Variants in PDS5B observed in about 807,000 individuals in gnomAD.
The protein encoded by PDS5B is sister chromatid cohesion protein PDS5 homolog B.
Under a neutral mutation model 184.1 loss-of-function variants are expected in PDS5B, and 51 were observed. The observed-to-expected ratio is 0.28, with a 90% CI of 0.22 to 0.35. PDS5B has a LOEUF of 0.35. Among genes scored for constraint, PDS5B ranks in the 10% least tolerant of loss-of-function variants. PDS5B has a pLI of 1.00. For synonymous variants in PDS5B, 566 were observed against 569.2 expected, an observed-to-expected ratio of 0.99 and a Z score of 0.08; for missense variants, 1,180 against 1,723.3, an observed-to-expected ratio of 0.68 and a Z score of 5.58.
chr13:32,662,426 C>T (rs1292111772), intron 6 of PDS5B, among the ~76,000 whole-genome samples: 1 of 150,640 alleles, frequency 6.6e-6, no homozygotes, highest in Non-Finnish European at 1.5e-5. Context: ...TGAAACAAAA[C>T]TACTAATTTA....
At chr13:32,711,879 C>G (rs1350716012) in intron 19 of PDS5B, among the ~76,000 whole-genome samples, 1 of 152,190 alleles carries the variant, frequency 6.6e-6, no homozygotes, top group Non-Finnish European at 1.5e-5. Context: ...ACTATACTGT[C>G]TCATTTAAAC....
chr13:32,734,518 A>C (rs1321452885), intron 20 of PDS5B, among the ~76,000 whole-genome samples: 1 of 152,174 alleles, frequency 6.6e-6, no homozygotes, highest in Non-Finnish European at 1.5e-5. Context: ...GACTAGATGT[A>C]GTAAAAGCTT....
At chr13:32,645,500 C>G (rs1950194661) in intron 1 of PDS5B, among the ~76,000 whole-genome samples, 1 of 152,136 alleles carries the variant, frequency 6.6e-6, no homozygotes, top group African/African-American at 2.4e-5. Context: ...GTTTCTTAAT[C>G]ATTTTTTTCT....
At chr13:32,696,741 A>C (rs1287060580) in intron 14 of PDS5B, 113 bp from the exon 15 acceptor site, 8 of 707,110 alleles carry the variant, frequency 1.1e-5, no homozygotes, top group African/African-American at 1.8e-5. Flanking sequence ...AGTAGTGGTA[A>C]GAGCATGGGT....
Position 32,732,192 on chromosome 13 carries a change from A to G in PDS5B, c.2215A>G (p.Ser739Gly), listed in dbSNP as rs1290709624. The change falls in exon 20 of 35, where the codon AGT becomes GGT. Residue 739 changes from serine to glycine, a missense_variant. This residue lies in a region of PDS5B where 475 missense variants were observed against 691.5 expected (regional missense o/e 0.69). Transcript: ENST00000315596. The part of the protein sequence containing the change: ...AIHCIHAIFS[S>G]KETQFAQIFE... ...TCATTGTATCCATGCGATATTTTCT[A>G]GTAAAGAGACCCAGTTTGCACAGAT... is the stretch of plus-strand genomic sequence containing the variant. The G allele has an allele frequency of 6.2e-7, 1 of 1,609,946 alleles. No homozygotes were observed. The highest frequency in any genetic ancestry group is 1.3e-5 in the African/African-American group (1 of 74,908).
chr13:32,656,041 T>G (rs769042877), intron 3 of PDS5B, among the ~76,000 whole-genome samples: 3 of 152,200 alleles, frequency 2.0e-5, no homozygotes, highest in Admixed American at 6.5e-5. Context: ...GTCTTCTGCA[T>G]ATGACTAGCT....
rs114192403 is a variant in PDS5B at position 32,646,297 on chromosome 13, A to G, written c.-19-2457A>G. ...GCTGGGATTACAGATGTGAACCATCATGCCCATCCAGATGTTTGTAATGTT... is the reference window on the plus strand; with the variant it reads ...GCTGGGATTACAGATGTGAACCATCGTGCCCATCCAGATGTTTGTAATGTT... On this transcript the variant is annotated intron_variant, in intron 1 of 34. Coordinates refer to ENST00000315596, the MANE Select transcript of PDS5B (RefSeq NM_015032.4). 9.3e-3 allele frequency among the ~76,000 whole-genome samples: 1,398 copies of G among 150,780 alleles called. 26 individuals carry two copies. Among genetic ancestry groups the G allele is most frequent in the African/African-American group, 0.032 (1,332 of 41,024 alleles).
intron 19 of PDS5B, among the ~76,000 whole-genome samples, chr13:32,716,631 C>T (rs1482674769): frequency 6.8e-6 from 1 of 147,072 alleles, no homozygotes; most frequent in Non-Finnish European, 1.5e-5. Context: ...GGTCAGCCCC[C>T]CGCCCGGCCA....
chr13:32,714,014 G>A (rs985006952), intron 19 of PDS5B, among the ~76,000 whole-genome samples: 6 of 152,156 alleles, frequency 3.9e-5, no homozygotes, highest in African/African-American at 1.4e-4. Flanking sequence ...ATCCAGGGGA[G>A]ACATCACAAA....
chr13:32,707,778 A>G (rs772553609), intron 18 of PDS5B, among the ~76,000 whole-genome samples: 6 of 151,100 alleles, frequency 4.0e-5, no homozygotes, highest in Non-Finnish European at 8.8e-5. Flanking sequence ...CACCATGCCT[A>G]GCTCATAGTA....
Position 32,661,385 on chromosome 13 carries a change from C to CAAAAAA in PDS5B, c.624+2125_624+2130dup, listed in dbSNP as rs747985772. 3.3e-3 allele frequency among the ~76,000 whole-genome samples: 105 copies of CAAAAAA among 32,004 alleles called. 10 individuals carry two copies. The highest frequency in any genetic ancestry group is 9.8e-3 in the African/African-American group (93 of 9,462). 21.0% of individuals were successfully genotyped at this position (32,004 alleles called of 152,430 possible). A position where few individuals can be genotyped will look rare whatever the true frequency, so the allele number is the denominator to read the frequency against. ...TGGGTGACAGAGTGAGACTCTGTCT[C>CAAAAAA]AAAAAAAAAAAAAAAAAAAAAAAAA... On this transcript the variant is annotated intron_variant, in intron 6 of 34. Coordinates refer to ENST00000315596, the MANE Select transcript of PDS5B (RefSeq NM_015032.4).
At chr13:32,609,727 A>G (rs1249171225) in intron 1 of PDS5B, among the ~76,000 whole-genome samples, 1 of 152,154 alleles carries the variant, frequency 6.6e-6, no homozygotes, top group African/African-American at 2.4e-5. Context: ...CAGTCACTCT[A>G]GTCAGTTCTG....
chr13:32,589,346 A>C (rs1214743129), intron 1 of PDS5B, among the ~76,000 whole-genome samples: 1 of 152,174 alleles, frequency 6.6e-6, no homozygotes, highest in Non-Finnish European at 1.5e-5. Flanking sequence ...ATTACCCTCC[A>C]TCCCCTTCTC....
chr13:32,710,086 G>C lies in PDS5B; in HGVS notation c.2103G>C (p.Glu701Asp), dbSNP rs772336273. The change falls in exon 19 of 35, where the codon GAG becomes GAC. Residue 701 changes from glutamate (E) to aspartate (D), a missense_variant. Transcript: ENST00000315596. ...AAAACACAGGAAGCAAAATTGAAGA[G>C]GATTTTCCACACATCAGATCGTGAG... ...IFKNTGSKIE[E>D]DFPHIRSALL... 1.7e-5 allele frequency: 26 copies of C among 1,530,112 alleles called. No individual in the cohort carries two copies. Among genetic ancestry groups the C allele is most frequent in the Non-Finnish European group, 2.1e-5 (24 of 1,126,536 alleles). The allele number at this position is 1,530,112 out of a possible 1,614,324, so 94.8% of individuals were successfully genotyped here.
intron 6 of PDS5B, among the ~76,000 whole-genome samples, chr13:32,664,657 A>G (rs1375329708): frequency 2.0e-5 from 3 of 152,086 alleles, no homozygotes; most frequent in Non-Finnish European, 4.4e-5. Context: ...TGAGCTCAGG[A>G]GTTTGAGACC....
At chr13:32,619,839 T>C (rs980474801) in intron 1 of PDS5B, among the ~76,000 whole-genome samples, 1 of 152,164 alleles carries the variant, frequency 6.6e-6, no homozygotes, top group East Asian at 1.9e-4. Flanking sequence ...GCTCTTGTCC[T>C]CTAGGCTGGA....
intron 3 of PDS5B, among the ~76,000 whole-genome samples, chr13:32,654,054 C>T (rs1380262336): frequency 6.6e-6 from 1 of 152,144 alleles, no homozygotes; most frequent in East Asian, 1.9e-4. Context: ...GGTCTTTGTG[C>T]ATTATTCCCT....
At chr13:32,620,083 G>C (rs1023474538) in intron 1 of PDS5B, among the ~76,000 whole-genome samples, 2 of 152,132 alleles carry the variant, frequency 1.3e-5, no homozygotes, top group Non-Finnish European at 2.9e-5. Flanking sequence ...ACAGTCATGA[G>C]CCAATGCACC....
At chr13:32,670,840 A>G (rs917357659) in intron 7 of PDS5B, among the ~76,000 whole-genome samples, 6 of 152,144 alleles carry the variant, frequency 3.9e-5, no homozygotes, top group Non-Finnish European at 5.9e-5. Context: ...TGCACCTGCA[A>G]TGCTTGGGTG....
Sources: gnomAD v4.1 joint callset for allele counts (sites outside exome capture counted in the v4.1 genomes callset) on GRCh38, gnomAD v4.1.1 for gene constraint, gnomAD v4.1.1 regional missense constraint, MANE v1.5 for transcripts, NCBI Gene and HGNC (gene_info 2026-07-23, HGNC 2026-07-21) for gene names.